DEPDC1B: variants seen among roughly 807,000 people sequenced by gnomAD.
DEPDC1B encodes DEP domain-containing protein 1B.
DEPDC1B carries 51 observed loss-of-function variants against 66.5 expected under a neutral mutation model. That is an observed-to-expected ratio of 0.77 (90% confidence interval 0.61 to 0.97). The LOEUF (loss-of-function observed/expected upper bound fraction) is 0.97, where lower values mean the gene tolerates loss of function less well. Among genes scored for constraint, DEPDC1B ranks in the 50% least tolerant of loss-of-function variants. The pLI is 0.00. For synonymous variants in DEPDC1B, 226 were observed against 223.6 expected (o/e 1.01, Z -0.10); for missense variants, 552 against 637.1 (o/e 0.87, Z 1.44).
At chr5:60,692,261 A>G (rs1754562498) in intron 1 of DEPDC1B, among the ~76,000 whole-genome samples, 1 of 152,200 alleles carries the variant, frequency 6.6e-6, no homozygotes, top group African/African-American at 2.4e-5. Context: ...TATTTGAGAT[A>G]TCTTGACATC....
chr5:60,651,626 AC>A (rs1753458113), intron 2 of DEPDC1B, among the ~76,000 whole-genome samples: 1 of 152,306 alleles, frequency 6.6e-6, no homozygotes, highest in Admixed American at 6.5e-5. Flanking sequence ...ACAACAGATA[AC>A]TAGAAAAGAA....
At chr5:60,618,825 G>A (rs553355034) in intron 7 of DEPDC1B, among the ~76,000 whole-genome samples, 1 of 152,142 alleles carries the variant, frequency 6.6e-6, no homozygotes, top group East Asian at 1.9e-4. Context: ...GCCTGGCAGA[G>A]ACACAACAAA....
chr5:60,647,433 A>C lies in DEPDC1B; in HGVS notation c.415T>G (p.Ser139Ala). The change falls in exon 3 of 11, where the codon TCA becomes GCA. Residue 139 changes from serine (S) to alanine (A), a missense_variant. By Grantham distance (99) the Ser-to-Ala change is moderately conservative. Transcript: ENST00000265036. ...GGCCTCACTGGGATGTTCTCTTGTGAAGTGCCTGGTGGGAGATCATTCCAT... is the reference window on the plus strand; with the variant it reads ...GGCCTCACTGGGATGTTCTCTTGTGCAGTGCCTGGTGGGAGATCATTCCAT... ...PEWNDLPPGT[S>A]QENIPVRPVV... 6.2e-7 allele frequency: 1 copy of C among 1,612,316 alleles called. No homozygotes were observed.
chr5:60,620,472 A>T lies in DEPDC1B; in HGVS notation c.899-14616T>A, dbSNP rs376880158. ...AAAACAAACAACCCCATCAACAAGT[A>T]GGCGAAGGATATGAACAGACACTTC... On this transcript the variant is annotated intron_variant, in intron 7 of 10. Transcript: ENST00000265036. 3.5e-4 allele frequency among the ~76,000 whole-genome samples: 54 copies of T among 152,158 alleles called. 1 individual carries two copies. The highest frequency in any genetic ancestry group is 2.1e-4 in the Non-Finnish European group (14 of 68,006).
At chr5:60,635,563 T>A (rs1753026530) in intron 7 of DEPDC1B, among the ~76,000 whole-genome samples, 1 of 152,216 alleles carries the variant, frequency 6.6e-6, no homozygotes, top group African/African-American at 2.4e-5. Context: ...CAAGCTCAAC[T>A]GCCTACGGGA....
At chr5:60,643,501 C>G (rs117315747) in intron 5 of DEPDC1B, among the ~76,000 whole-genome samples, 1 of 152,334 alleles carries the variant, frequency 6.6e-6, no homozygotes, top group East Asian at 1.9e-4. Flanking sequence ...GGCTAGCACT[C>G]AGGCTGCCAC....
At chr5:60,637,279 C>G (rs907744307) in intron 7 of DEPDC1B, among the ~76,000 whole-genome samples, 1 of 152,220 alleles carries the variant, frequency 6.6e-6, no homozygotes, top group East Asian at 1.9e-4. Flanking sequence ...TTAGCACCAT[C>G]CCCCTTGGTG....
chr5:60,610,325 C>G (rs1752389899), intron 7 of DEPDC1B, among the ~76,000 whole-genome samples: 1 of 152,098 alleles, frequency 6.6e-6, no homozygotes, highest in Admixed American at 6.6e-5. Context: ...TATCCATGGG[C>G]TATATAGAGG....
chr5:60,599,369 G>T, intron 9 of DEPDC1B, 109 bp from the exon 10 acceptor site: 1 of 731,182 alleles, frequency 1.4e-6, no homozygotes, highest in Non-Finnish European at 1.9e-6. Flanking sequence ...GCAATGCCAT[G>T]TTAGTCCTCA....
At chr5:60,626,886 C>T (rs1303176289) in intron 7 of DEPDC1B, among the ~76,000 whole-genome samples, 1 of 151,846 alleles carries the variant, frequency 6.6e-6, no homozygotes, top group Non-Finnish European at 1.5e-5. Flanking sequence ...AATGAACATA[C>T]AGAACTGAAA....
chr5:60,684,473 G>A (rs1754365459), intron 2 of DEPDC1B, among the ~76,000 whole-genome samples: 1 of 152,120 alleles, frequency 6.6e-6, no homozygotes, highest in Non-Finnish European at 1.5e-5. Flanking sequence ...TTTCAACCAA[G>A]ATGCCAAGAA....
At chr5:60,665,904 C>T (rs1468977950) in intron 2 of DEPDC1B, among the ~76,000 whole-genome samples, 1 of 152,180 alleles carries the variant, frequency 6.6e-6, no homozygotes, top group Non-Finnish European at 1.5e-5. Flanking sequence ...CGCCTTAGAG[C>T]ACAGGGGGAG....
In DEPDC1B at chr5:60,599,197, T is replaced by C. The variant is rs768195193; in HGVS notation, c.1306A>G (p.Ser436Gly). 1 of 1,612,462 alleles carries C rather than the reference T, an allele frequency of 6.2e-7. No individual in the cohort carries two copies. Among genetic ancestry groups the C allele is most frequent in the Admixed American group, 1.7e-5 (1 of 59,742 alleles). ...LSAPSFCRQI[S>G]PEEFEYQRSY... Reference sequence around the variant, plus strand: ...CTTTGATATTCAAATTCCTCTGGACTAATTTGACGGCAAAATGATGGAGCA... The same window carrying C: ...CTTTGATATTCAAATTCCTCTGGACCAATTTGACGGCAAAATGATGGAGCA... The change falls in exon 10 of 11, where the codon AGT (serine) becomes GGT (glycine). Residue 436 changes from serine to glycine, a missense_variant. Coordinates refer to ENST00000265036, the MANE Select transcript of DEPDC1B (RefSeq NM_018369.3).
intron 2 of DEPDC1B, among the ~76,000 whole-genome samples, chr5:60,679,953 G>A (rs1195191519): frequency 1.3e-5 from 2 of 152,162 alleles, no homozygotes; most frequent in African/African-American, 4.8e-5. Context: ...TTGGTGTTTT[G>A]TTTAGACATT....
intron 4 of DEPDC1B, 40 bp downstream of exon 4, chr5:60,645,452 A>G (rs768646994): frequency 3.3e-6 from 5 of 1,529,942 alleles, no homozygotes; most frequent in South Asian, 1.3e-5. Flanking sequence ...AATAGGAAAC[A>G]ATATCTCTAA....
chr5:60,687,041 A>AT lies in DEPDC1B; in HGVS notation c.234dup (p.Phe79IlefsTer8). ...TCTTCAATAACGTGATTCTTCAGGAATTTTTTTAGCAGCTGGACCGTTTGT... is the reference window on the plus strand; with the variant it reads ...TCTTCAATAACGTGATTCTTCAGGAATTTTTTTTAGCAGCTGGACCGTTTGT... On this transcript the variant is annotated frameshift_variant, in exon 2 of 11. Transcript: ENST00000265036. LOFTEE classifies it high-confidence loss of function. 2 of 1,614,150 alleles carry AT rather than the reference A, an allele frequency of 1.2e-6. No individual in the cohort carries two copies. Among genetic ancestry groups the AT allele is most frequent in the Non-Finnish European group, 1.7e-6 (2 of 1,180,012 alleles).
At chr5:60,620,473 G>T (rs962981986) in intron 7 of DEPDC1B, among the ~76,000 whole-genome samples, 1 of 152,176 alleles carries the variant, frequency 6.6e-6, no homozygotes, top group Non-Finnish European at 1.5e-5. Context: ...TCAACAAGTA[G>T]GCGAAGGATA....
chr5:60,615,654 C>T lies in DEPDC1B; in HGVS notation c.899-9798G>A, dbSNP rs373805771. On this transcript the variant is annotated intron_variant, in intron 7 of 10. Transcript: ENST00000265036. ...AGGTAAAGCAGCCGGGAAGCTTGAA[C>T]TGGGTGGAGCCCACTGCAGCTCAAG... Among the ~76,000 whole-genome samples the T allele has an allele frequency of 1.2e-3, 186 of 152,350 alleles. 2 individuals carry two copies. The highest frequency in any genetic ancestry group is 4.4e-3 in the African/African-American group (185 of 41,584).
intron 2 of DEPDC1B, among the ~76,000 whole-genome samples, chr5:60,679,957 A>T (rs1754259171): frequency 6.6e-6 from 1 of 152,244 alleles, no homozygotes; most frequent in African/African-American, 2.4e-5. Flanking sequence ...TGTTTTGTTT[A>T]GACATTTTAA....
Sources: allele counts gnomAD v4.1 joint callset (sites outside exome capture counted in the v4.1 genomes callset), GRCh38; gene constraint gnomAD v4.1.1; transcripts MANE v1.5; gene names NCBI Gene and HGNC (gene_info 2026-07-23, HGNC 2026-07-21).